The following APC variants were observed in gnomAD, a reference collection of about 807,000 sequenced individuals.
APC encodes the protein APC regulator of Wnt signaling pathway, also known as adenomatous polyposis coli protein.
A neutral mutation model predicts 247.0 loss-of-function variants in APC; 72 were observed. The observed-to-expected ratio is 0.29, with a 90% CI of 0.24 to 0.35. The LOEUF (loss-of-function observed/expected upper bound fraction) is 0.35, where lower values mean the gene tolerates loss of function less well. Among genes scored for constraint, APC ranks in the 10% least tolerant of loss-of-function variants. The pLI is 1.00. For missense variants in APC, 3,400 were observed against 3,360.7 expected, an observed-to-expected ratio of 1.01 and a Z score of -0.29; for synonymous variants, 1,254 against 1,162.5, an observed-to-expected ratio of 1.08 and a Z score of -1.60.
At chr5:112,718,054 A>G (rs1303380019) in intron 1 of APC, among the ~76,000 whole-genome samples, 1 of 150,026 alleles carries the variant, frequency 6.7e-6, no homozygotes, top group African/African-American at 2.4e-5. Context: ...TAAATACCTA[A>G]TTTAGGTTAT....
chr5:112,837,462 C>A, intron 15 of APC, 91 bp from the exon 16 acceptor site: 1 of 882,342 alleles, frequency 1.1e-6, no homozygotes, highest in Non-Finnish European at 1.8e-6. Flanking sequence ...TTGGTACAAT[C>A]ATATTATGCC....
upstream of APC, chr5:112,737,741 C>T (rs766814193): frequency 5.3e-5 from 38 of 717,408 alleles, no homozygotes; most frequent in Admixed American, 6.3e-5. Context: ...GAGTGCGGGT[C>T]GGGAAGCGGA....
intron 11 of APC, among the ~76,000 whole-genome samples, chr5:112,822,939 C>G (rs950472459): frequency 3.9e-5 from 6 of 152,192 alleles, no homozygotes; most frequent in African/African-American, 1.2e-4. Flanking sequence ...TTGGGAGGCT[C>G]TGCACCTTAA....
chr5:112,768,750 A>C (rs561396220), intron 4 of APC, among the ~76,000 whole-genome samples: 4 of 151,042 alleles, frequency 2.6e-5, no homozygotes, highest in African/African-American at 9.9e-5. Flanking sequence ...ACAGTAGCGT[A>C]GAACACAGTC....
At chr5:112,826,053 A>G (rs553141606) in intron 11 of APC, among the ~76,000 whole-genome samples, 2 of 152,324 alleles carry the variant, frequency 1.3e-5, no homozygotes, top group South Asian at 4.1e-4. Flanking sequence ...ATCTTCCTAC[A>G]TTTAAATCCC....
chr5:112,722,782 T>C (rs1297433776), intron 1 of APC, among the ~76,000 whole-genome samples: 1 of 152,166 alleles, frequency 6.6e-6, no homozygotes, highest in Non-Finnish European at 1.5e-5. Flanking sequence ...GGAGCTTCCA[T>C]GCCTTCTCTG....
chr5:112,820,886 G>A (rs779782377), intron 10 of APC, among the ~76,000 whole-genome samples: 3 of 152,030 alleles, frequency 2.0e-5, no homozygotes, highest in Non-Finnish European at 2.9e-5. Context: ...TATTGAGACA[G>A]GGTCTCACAC....
intron 1 of APC, among the ~76,000 whole-genome samples, chr5:112,717,949 A>T (rs1581019735): frequency 2.5e-3 from 26 of 10,472 alleles, no homozygotes; most frequent in East Asian, 3.8e-3. Context: ...CTTCTTTTTG[A>T]CCTCAAGGCA....
In APC at chr5:112,845,496, T is replaced by A; in HGVS notation, c.*1370T>A. 4.3e-6 allele frequency: 1 copy of A among 233,348 alleles called. No homozygotes were observed. Among genetic ancestry groups the A allele is most frequent in the Non-Finnish European group, 8.5e-6 (1 of 117,828 alleles). 14.5% of individuals were successfully genotyped at this position (233,348 alleles called of 1,614,324 possible). On this transcript the variant is annotated 3_prime_UTR_variant, in exon 16 of 16. Transcript: ENST00000257430. The stretch of plus-strand genomic sequence containing the variant: ...GAACACTTTTTATCACCCTGTATGT[T>A]AGGGCAAGATCTCAGCAGTGAAGTA...
At chr5:112,714,909 T>C (rs1751070964) in intron 1 of APC, among the ~76,000 whole-genome samples, 1 of 152,184 alleles carries the variant, frequency 6.6e-6, no homozygotes, top group South Asian at 2.1e-4. Context: ...TTTATGGAAT[T>C]AGTGAATGAT....
rs1580329587 is a variant in APC, at chr5:112,767,359, A to T, written c.391A>T (p.Thr131Ser). Reference protein sequence around the residue: ...RGFVNGSRESTGYLEELEKER... With the variant: ...RGFVNGSRESSGYLEELEKER... ...GTTTGTAAATGGAAGCAGAGAAAGT[A>T]CTGGATATTTAGAAGAACTTGAGAA... The change falls in exon 4 of 16, where the codon ACT (threonine) becomes TCT (serine). Residue 131 changes from threonine to serine, a missense_variant. Coordinates refer to ENST00000257430, the MANE Select transcript of APC (RefSeq NM_000038.6). 1.9e-6 allele frequency: 3 copies of T among 1,614,122 alleles called. No homozygotes were observed. Among genetic ancestry groups the T allele is most frequent in the Non-Finnish European group, 2.5e-6 (3 of 1,179,964 alleles).
At chr5:112,719,693 C>G (rs1441631687) in intron 1 of APC, among the ~76,000 whole-genome samples, 1 of 152,014 alleles carries the variant, frequency 6.6e-6, no homozygotes, top group African/African-American at 2.4e-5. Flanking sequence ...CACCATCACA[C>G]CCGGCTAATT....
At chr5:112,722,451 C>T (rs938632627) in intron 1 of APC, among the ~76,000 whole-genome samples, 2 of 152,168 alleles carry the variant, frequency 1.3e-5, no homozygotes, top group East Asian at 3.9e-4. Context: ...TCCCCACACA[C>T]CAATAGTGGA....
At chr5:112,764,325 C>T (rs1442386751) in intron 2 of APC, among the ~76,000 whole-genome samples, 1 of 151,558 alleles carries the variant, frequency 6.6e-6, no homozygotes, top group Admixed American at 6.6e-5. Flanking sequence ...AAGGTTGAGC[C>T]ACTTGGGAAA....
intron 14 of APC, 33 bp downstream of exon 14, chr5:112,829,005 A>C (rs1295211712): frequency 1.3e-6 from 2 of 1,496,164 alleles, no homozygotes; most frequent in Non-Finnish European, 1.9e-6. Context: ...CTATAATATG[A>C]ATTTCATGTT....
intron 1 of APC, among the ~76,000 whole-genome samples, chr5:112,722,076 G>T (rs468293): frequency 0.99 from 150,107 of 152,274 alleles, 74,027 homozygotes; most frequent in Middle Eastern, 1. Flanking sequence ...TTGAGAAAGC[G>T]GCACAGAAAG....
intron 11 of APC, among the ~76,000 whole-genome samples, chr5:112,825,429 C>G (rs559644834): frequency 1.1e-4 from 17 of 152,176 alleles, no homozygotes; most frequent in Non-Finnish European, 5.9e-5. Flanking sequence ...CCGGCATCTA[C>G]CCATGTTTAT....
chr5:112,788,148 T>C (rs750267736), intron 6 of APC, among the ~76,000 whole-genome samples: 2 of 152,190 alleles, frequency 1.3e-5, no homozygotes, highest in East Asian at 1.9e-4. Flanking sequence ...TAGTCCACTT[T>C]AGCTTCTCCA....
chr5:112,727,509 A>G (rs1751856412), intron 1 of APC, among the ~76,000 whole-genome samples: 1 of 152,222 alleles, frequency 6.6e-6, no homozygotes, highest in Admixed American at 6.5e-5. Context: ...TTATTCTTTC[A>G]TAAACACCCA....
Sources: gnomAD v4.1 joint callset for allele counts (sites outside exome capture counted in the v4.1 genomes callset) on GRCh38, gnomAD v4.1.1 for gene constraint, MANE v1.5 for transcripts, NCBI Gene and HGNC (gene_info 2026-07-23, HGNC 2026-07-21) for gene names.